The following FOXP1 variants were observed in gnomAD, a reference collection of about 807,000 sequenced individuals.
FOXP1 encodes the protein forkhead box protein P1.
FOXP1 carries 15 observed loss-of-function variants against 98.2 expected under a neutral mutation model. That is an observed-to-expected ratio of 0.15 (90% CI 0.10 to 0.24). The LOEUF (loss-of-function observed/expected upper bound fraction) is 0.24. FOXP1 is among the 10% of genes least tolerant of loss of function. FOXP1 has a pLI of 1.00. For missense variants in FOXP1, 633 were observed against 848.5 expected (o/e 0.75, Z 3.15); for synonymous variants, 371 against 314.5 (o/e 1.18, Z -1.90).
At chr3:70,976,584 G>A (rs1392597823) in intron 17 of FOXP1, among the ~76,000 whole-genome samples, 1 of 152,174 alleles carries the variant, frequency 6.6e-6, no homozygotes, top group Non-Finnish European at 1.5e-5. Context: ...ATACATCTCT[G>A]CAAATATCGG....
intron 11 of FOXP1, among the ~76,000 whole-genome samples, chr3:71,035,642 T>C (rs1338417680): frequency 2.0e-5 from 3 of 152,222 alleles, no homozygotes; most frequent in African/African-American, 7.2e-5. Flanking sequence ...GTTAACAATT[T>C]TGAAGACAAT....
At chr3:71,145,550 A>AAAAAC (rs932591081) in intron 6 of FOXP1, among the ~76,000 whole-genome samples, 1 of 152,202 alleles carries the variant, frequency 6.6e-6, no homozygotes, top group Non-Finnish European at 1.5e-5. Flanking sequence ...TCAAAAAAAC[A>AAAAAC]AAAACAAAAC....
intron 3 of FOXP1, among the ~76,000 whole-genome samples, chr3:71,487,355 G>A (rs2090734588): frequency 6.6e-6 from 1 of 152,148 alleles, no homozygotes; most frequent in Admixed American, 6.6e-5. Context: ...ACAGCACCCA[G>A]CCCAGATTCT....
intron 6 of FOXP1, among the ~76,000 whole-genome samples, chr3:71,183,783 A>G (rs2062475187): frequency 6.6e-6 from 1 of 152,142 alleles, no homozygotes; most frequent in African/African-American, 2.4e-5. Context: ...AGAAATAGAT[A>G]TGCAAATTTG....
At chr3:71,121,687 A>G (rs2058787411) in intron 6 of FOXP1, among the ~76,000 whole-genome samples, 1 of 152,210 alleles carries the variant, frequency 6.6e-6, no homozygotes, top group Non-Finnish European at 1.5e-5. Flanking sequence ...AGCTGACAAG[A>G]TCACAGCCTA....
At chr3:71,093,739 T>A (rs2107618802) in intron 7 of FOXP1, among the ~76,000 whole-genome samples, 1 of 151,902 alleles carries the variant, frequency 6.6e-6, no homozygotes, top group South Asian at 2.1e-4. Context: ...TGTTCTCACA[T>A]TTACTTCCCA....
At chr3:71,401,518 C>A (rs575506867) in intron 3 of FOXP1, among the ~76,000 whole-genome samples, 1 of 152,304 alleles carries the variant, frequency 6.6e-6, no homozygotes, top group South Asian at 2.1e-4. Context: ...CTCATTCACT[C>A]AGAAATCCTT....
At chr3:71,261,175 C>T (rs745412444) in intron 5 of FOXP1, among the ~76,000 whole-genome samples, 1 of 152,126 alleles carries the variant, frequency 6.6e-6, no homozygotes, top group African/African-American at 2.4e-5. Flanking sequence ...ACAGGCCTCT[C>T]GCAAAGCTGT....
chr3:71,452,095 C>T (rs1179909447), intron 3 of FOXP1, among the ~76,000 whole-genome samples: 1 of 152,118 alleles, frequency 6.6e-6, no homozygotes, highest in Non-Finnish European at 1.5e-5. Flanking sequence ...CATGTCATTG[C>T]CAAATATTTA....
At chr3:71,428,023 G>C (rs144572604) in intron 3 of FOXP1, among the ~76,000 whole-genome samples, 1 of 152,328 alleles carries the variant, frequency 6.6e-6, no homozygotes, top group East Asian at 1.9e-4. Context: ...GAGTGGAACT[G>C]GGAGAGAGGA....
intron 7 of FOXP1, among the ~76,000 whole-genome samples, chr3:71,088,688 T>C (rs864404): frequency 0.99 from 151,465 of 152,340 alleles, 75,311 homozygotes; most frequent in South Asian, 1. Context: ...ACACCAGAGA[T>C]GCAGTTAGAT....
intron 2 of FOXP1, among the ~76,000 whole-genome samples, chr3:71,550,499 ATTTAG>A (rs2045694343): frequency 6.6e-6 from 1 of 152,230 alleles, no homozygotes; most frequent in Non-Finnish European, 1.5e-5. Context: ...CAGAAGTTTT[ATTTAG>A]TTATCTATTG....
intron 2 of FOXP1, among the ~76,000 whole-genome samples, chr3:71,511,130 C>T (rs140708419): frequency 0.01 from 1,571 of 152,196 alleles, 40 homozygotes; most frequent in African/African-American, 0.035. Flanking sequence ...GTTAAATAAG[C>T]CCATAAGTCC....
chr3:71,436,793 C>G (rs1217830186), intron 3 of FOXP1, among the ~76,000 whole-genome samples: 2 of 152,108 alleles, frequency 1.3e-5, no homozygotes, highest in South Asian at 2.1e-4. Context: ...AAGTGGTGAT[C>G]TGTAGGCAGG....
chr3:71,227,203 G>A (rs1230881503), intron 5 of FOXP1, among the ~76,000 whole-genome samples: 1 of 152,058 alleles, frequency 6.6e-6, no homozygotes. Flanking sequence ...GTGACATCGG[G>A]CAGCTTTTAT....
chr3:70,956,688 C>G lies in FOXP1; in HGVS notation c.*2559G>C, dbSNP rs1451074252. On this transcript the variant is annotated 3_prime_UTR_variant, in exon 21 of 21. Coordinates refer to ENST00000649528, the MANE Select transcript of FOXP1 (RefSeq NM_001349338.3). ...GAAGCACAGGGCCCCCTTCCCATGA[C>G]CCTGTCTGGCTACTGCCTGCACATC... 4.9e-6 allele frequency: 1 copy of G among 203,412 alleles called. No individual in the cohort carries two copies. The highest frequency in any genetic ancestry group is 6.3e-5 in the Admixed American group (1 of 15,858). The allele number at this position is 203,412 out of a possible 1,614,324, so 12.6% of individuals were successfully genotyped here.
chr3:71,210,156 T>G (rs145754531), intron 5 of FOXP1, among the ~76,000 whole-genome samples: 124 of 152,348 alleles, frequency 8.1e-4, no homozygotes, highest in African/African-American at 2.9e-3. Flanking sequence ...AAAATTGTGT[T>G]GGTCTGCCCC....
Position 71,053,629 on chromosome 3 carries a change from C to T in FOXP1, c.420+7G>A. Reference sequence around the variant, plus strand: ...AGACAGGCTGGAGGTGGAGGAAGGACAATTACCTGTTGAAGCATGAGGGCC... The same window carrying T: ...AGACAGGCTGGAGGTGGAGGAAGGATAATTACCTGTTGAAGCATGAGGGCC... On this transcript the variant is annotated splice_region_variant and intron_variant, in intron 8 of 20. Transcript: ENST00000649528. 1 of 1,613,954 alleles carries T rather than the reference C, an allele frequency of 6.2e-7. No individual in the cohort carries two copies. Among genetic ancestry groups the T allele is most frequent in the Non-Finnish European group, 8.5e-7 (1 of 1,179,958 alleles).
chr3:71,146,893 G>T (rs553830106), intron 6 of FOXP1, among the ~76,000 whole-genome samples: 3 of 152,188 alleles, frequency 2.0e-5, no homozygotes, highest in Admixed American at 6.5e-5. Flanking sequence ...TGAGCACAGC[G>T]CGGGGAACAA....
Sources: gnomAD v4.1 joint callset for allele counts (sites outside exome capture counted in the v4.1 genomes callset) on GRCh38, gnomAD v4.1.1 for gene constraint, MANE v1.5 for transcripts, NCBI Gene and HGNC (gene_info 2026-07-23, HGNC 2026-07-21) for gene names.